The following SRPK2 variants were observed in gnomAD, a reference collection of about 807,000 sequenced individuals.
SRPK2 encodes SFRS protein kinase 2.
A neutral mutation model predicts 90.8 loss-of-function variants in SRPK2; 21 were observed. That is an observed-to-expected ratio of 0.23 (90% CI 0.16 to 0.33). The LOEUF is 0.33. Among genes scored for constraint, SRPK2 ranks in the 10% least tolerant of loss-of-function variants. The probability of loss-of-function intolerance (pLI) is 1.00; values close to 1 mark genes in which losing one functional copy is unlikely to be tolerated. For synonymous variants in SRPK2, 288 were observed against 311.1 expected, an observed-to-expected ratio of 0.93 and a Z score of 0.78; for missense variants, 620 against 869.0, an observed-to-expected ratio of 0.71 and a Z score of 3.60.
intron 7 of SRPK2, among the ~76,000 whole-genome samples, chr7:105,146,871 T>A (rs1274196486): frequency 6.6e-6 from 1 of 152,220 alleles, no homozygotes; most frequent in Non-Finnish European, 1.5e-5. Context: ...AGAGATTATT[T>A]ATGCTCGTGG....
chr7:105,272,992 A>G (rs1251661184), intron 2 of SRPK2, among the ~76,000 whole-genome samples: 1 of 152,164 alleles, frequency 6.6e-6, no homozygotes, highest in East Asian at 1.9e-4. Context: ...AGGTAGGCAA[A>G]TCACGAAGGT....
At chr7:105,308,377 T>C (rs1488745721) in intron 2 of SRPK2, among the ~76,000 whole-genome samples, 5 of 152,212 alleles carry the variant, frequency 3.3e-5, no homozygotes, top group African/African-American at 1.2e-4. Context: ...GATGTGTTTA[T>C]GTGCAAAAAT....
chr7:105,183,493 TTTTG>T (rs1793157616), intron 3 of SRPK2, among the ~76,000 whole-genome samples: 1 of 152,056 alleles, frequency 6.6e-6, no homozygotes, highest in African/African-American at 2.4e-5. Context: ...GTTTGTCTAT[TTTTG>T]TTTTTTTGAG....
At chr7:105,266,347 T>C (rs1279950151) in intron 2 of SRPK2, among the ~76,000 whole-genome samples, 5 of 152,268 alleles carry the variant, frequency 3.3e-5, no homozygotes, top group African/African-American at 7.2e-5. Flanking sequence ...AAAAATGAGA[T>C]GAAAAATTAC....
At chr7:105,388,469 CT>C (rs1821914981) in intron 2 of SRPK2, among the ~76,000 whole-genome samples, 178 bp downstream of exon 2, 1 of 147,318 alleles carries the variant, frequency 6.8e-6, no homozygotes, top group Admixed American at 6.7e-5. Flanking sequence ...CCGCGCGCCC[CT>C]CCCCCGCCGC....
At chr7:105,309,873 A>G (rs1811519767) in intron 2 of SRPK2, among the ~76,000 whole-genome samples, 1 of 152,214 alleles carries the variant, frequency 6.6e-6, no homozygotes, top group Non-Finnish European at 1.5e-5. Flanking sequence ...ACACAAGCAT[A>G]AACAAGAAGT....
intron 2 of SRPK2, among the ~76,000 whole-genome samples, chr7:105,216,069 C>CAAAAAAAAAAA (rs767351592): frequency 1.7e-5 from 1 of 60,166 alleles, no homozygotes; most frequent in Non-Finnish European, 3.9e-5. Context: ...CCCATCTCTA[C>CAAAAAAAAAAA]AAAAAAAAAA....
At chr7:105,323,350 A>T (rs923499422) in intron 2 of SRPK2, among the ~76,000 whole-genome samples, 1 of 152,216 alleles carries the variant, frequency 6.6e-6, no homozygotes, top group South Asian at 2.1e-4. Flanking sequence ...TGCAAACCCA[A>T]GCAGTGGCAA....
intron 2 of SRPK2, among the ~76,000 whole-genome samples, chr7:105,252,427 G>T (rs934546073): frequency 2.6e-5 from 4 of 152,102 alleles, no homozygotes; most frequent in Non-Finnish European, 5.9e-5. Context: ...TAAAAAGAAA[G>T]GTTAAAATAA....
chr7:105,362,122 T>A (rs554837550), intron 2 of SRPK2, among the ~76,000 whole-genome samples: 1 of 151,740 alleles, frequency 6.6e-6, no homozygotes, highest in South Asian at 2.1e-4. Flanking sequence ...TTAAACAAAT[T>A]TACCAGAAAA....
intron 2 of SRPK2, among the ~76,000 whole-genome samples, chr7:105,310,392 A>G (rs1811575346): frequency 6.6e-6 from 1 of 152,206 alleles, no homozygotes; most frequent in African/African-American, 2.4e-5. Context: ...AATGTAAAAA[A>G]TATGAAAAAA....
intron 2 of SRPK2, chr7:105,245,036 C>CAA (rs2129627104): frequency 2.7e-5 from 5 of 182,202 alleles, no homozygotes; most frequent in South Asian, 1.8e-4. Flanking sequence ...ACAAAACAAA[C>CAA]ACACACACAC....
chr7:105,318,115 T>C (rs1020779085), intron 2 of SRPK2, among the ~76,000 whole-genome samples: 6 of 152,192 alleles, frequency 3.9e-5, no homozygotes, highest in Admixed American at 3.9e-4. Flanking sequence ...TGTTTTTTGA[T>C]ACAGAGTCTC....
rs534768227 is a variant in SRPK2 at position 105,170,843 on chromosome 7, GA to G, written c.230-1579del. 1.5e-3 allele frequency among the ~76,000 whole-genome samples: 15 copies of G among 10,046 alleles called. 1 individual carries two copies. The East Asian group carries it at 0.017, about 11-fold the overall frequency. 6.6% of individuals were successfully genotyped at this position (10,046 alleles called of 152,430 possible). ...AGAGAAAGAGAAAGAAAGGAAGAAA[GA>G]AAGAAAGAAAGAAAGAAAGAAAGAA... On this transcript the variant is annotated intron_variant, in intron 3 of 15. Coordinates refer to ENST00000393651, the MANE Select transcript of SRPK2 (RefSeq NM_182692.3).
intron 2 of SRPK2, among the ~76,000 whole-genome samples, chr7:105,235,985 G>C (rs963546214): frequency 6.6e-6 from 1 of 152,176 alleles, no homozygotes; most frequent in African/African-American, 2.4e-5. Context: ...AAAAGCAAAA[G>C]GAAAGAAACT....
At chr7:105,342,482 T>C (rs1320104078) in intron 2 of SRPK2, among the ~76,000 whole-genome samples, 2 of 152,098 alleles carry the variant, frequency 1.3e-5, no homozygotes, top group African/African-American at 4.8e-5. Flanking sequence ...ACATCAAATA[T>C]AGCCATATAA....
At chr7:105,319,860 C>T (rs6466058) in intron 2 of SRPK2, among the ~76,000 whole-genome samples, 95,967 of 145,588 alleles carry the variant, frequency 0.66, 31,254 homozygotes, top group South Asian at 0.73. Context: ...ACTTCCCCCC[C>T]TTTTTTTTTT....
chr7:105,120,116 G>T (rs1383977319), intron 15 of SRPK2, among the ~76,000 whole-genome samples: 1 of 152,168 alleles, frequency 6.6e-6, no homozygotes, highest in Non-Finnish European at 1.5e-5. Context: ...TTAGACTGTT[G>T]ATCTCACCAC....
intron 2 of SRPK2, among the ~76,000 whole-genome samples, chr7:105,315,365 T>G (rs1812197893): frequency 6.6e-6 from 1 of 152,204 alleles, no homozygotes; most frequent in African/African-American, 2.4e-5. Context: ...TGCTGGGCAA[T>G]TCATTTAAGC....
Sources: allele counts gnomAD v4.1 joint callset (sites outside exome capture counted in the v4.1 genomes callset), GRCh38; gene constraint gnomAD v4.1.1; transcripts MANE v1.5; gene names NCBI Gene and HGNC (gene_info 2026-07-23, HGNC 2026-07-21).